ZDHHC20: variants seen among roughly 807,000 people sequenced by gnomAD.
The protein encoded by ZDHHC20 is palmitoyltransferase ZDHHC20.
A neutral mutation model predicts 57.8 loss-of-function variants in ZDHHC20; 43 were observed. The observed-to-expected ratio is 0.74, with a 90% CI of 0.58 to 0.96. The LOEUF (loss-of-function observed/expected upper bound fraction) is 0.96, where lower values mean the gene tolerates loss of function less well. Among genes scored for constraint, ZDHHC20 ranks in the 40% least tolerant of loss-of-function variants. The probability of loss-of-function intolerance (pLI) is 0.00; values close to 1 mark genes in which losing one functional copy is unlikely to be tolerated. For missense variants in ZDHHC20, 391 were observed against 441.1 expected, an observed-to-expected ratio of 0.89 and a Z score of 1.02; for synonymous variants, 157 against 153.0, an observed-to-expected ratio of 1.03 and a Z score of -0.19.
chr13:21,376,837 C>T lies in ZDHHC20; in HGVS notation c.*41-182G>A, dbSNP rs1420534998. 1.1e-5 allele frequency: 4 copies of T among 379,226 alleles called. No individual in the cohort carries two copies. In the East Asian group the frequency reaches 1.4e-4, roughly 13 times the overall value. 23.5% of individuals were successfully genotyped at this position (379,226 alleles called of 1,614,324 possible). A position where few individuals can be genotyped will look rare whatever the true frequency, so the allele number is the denominator to read the frequency against. On this transcript the variant is annotated intron_variant, in intron 12 of 12. Coordinates refer to ENST00000400590, the MANE Select transcript of ZDHHC20 (RefSeq NM_001330059.2). ...TGTAGCAGTAAATGAGTGGGTATTA[C>T]TGTCTTCCCCAGAAGCAATCAAAAG... is the stretch of plus-strand genomic sequence containing the variant.
In ZDHHC20 at chr13:21,396,916, T is replaced by C. The variant is rs150956494; in HGVS notation, c.594+3457A>G. On this transcript the variant is annotated intron_variant, in intron 7 of 12. Transcript: ENST00000400590. ...ATGACAGAAAAAGGATTAATATCTT[T>C]AGAAGTGTCTCACATATTCTGGTTA... is the stretch of plus-strand genomic sequence containing the variant. Among the ~76,000 whole-genome samples the C allele has an allele frequency of 2.7e-3, 417 of 152,304 alleles. 3 individuals are homozygous for C. The highest frequency in any genetic ancestry group is 4.8e-3 in the Non-Finnish European group (324 of 68,024).
chr13:21,382,365 G>A (rs1394080357), intron 10 of ZDHHC20, among the ~76,000 whole-genome samples: 1 of 152,178 alleles, frequency 6.6e-6, no homozygotes, highest in Non-Finnish European at 1.5e-5. Context: ...TACGTGGACA[G>A]AAGTATCTCT....
At chr13:21,403,184 C>T (rs1877950427) in intron 4 of ZDHHC20, among the ~76,000 whole-genome samples, 1 of 152,008 alleles carries the variant, frequency 6.6e-6, no homozygotes, top group Non-Finnish European at 1.5e-5. Context: ...TTTAGTAAGT[C>T]CCAGGTCCAG....
In ZDHHC20 at chr13:21,459,175, C is replaced by A. The variant is rs1159894977; in HGVS notation, c.-4G>T. The A allele has an allele frequency of 6.3e-7, 1 of 1,595,050 alleles. No individual in the cohort carries two copies. Among genetic ancestry groups the A allele is most frequent in the South Asian group, 1.1e-5 (1 of 88,714 alleles). On this transcript the variant is annotated 5_prime_UTR_variant, in exon 1 of 13. Transcript: ENST00000400590. ...GCCACAGCGTCCAGGGCGCCATGTT[C>A]CGCTGGCGGCTGCCGAGCCCCGCGT... is the stretch of plus-strand genomic sequence containing the variant.
intron 11 of ZDHHC20, among the ~76,000 whole-genome samples, chr13:21,380,565 G>C (rs1337442320): frequency 6.6e-6 from 1 of 151,648 alleles, no homozygotes; most frequent in Non-Finnish European, 1.5e-5. Context: ...GGGCTGAGGC[G>C]GGTGGATCAC....
intron 1 of ZDHHC20, among the ~76,000 whole-genome samples, chr13:21,438,451 T>G (rs987452501): frequency 6.6e-6 from 1 of 152,180 alleles, no homozygotes; most frequent in Non-Finnish European, 1.5e-5. Flanking sequence ...ACTGCAGATG[T>G]GGTGAAAACA....
At chr13:21,424,910 A>T (rs576446536) in intron 2 of ZDHHC20, among the ~76,000 whole-genome samples, 1 of 152,182 alleles carries the variant, frequency 6.6e-6, no homozygotes, top group Non-Finnish European at 1.5e-5. Flanking sequence ...GTTACTGACA[A>T]ATTAAATTTA....
chr13:21,400,503 T>TA lies in ZDHHC20; in HGVS notation c.474-11dup, dbSNP rs762553288. 2.5e-5 allele frequency: 38 copies of TA among 1,531,874 alleles called. No individual in the cohort carries two copies. Among genetic ancestry groups the TA allele is most frequent in the Non-Finnish European group, 3.3e-5 (38 of 1,142,026 alleles). The allele number at this position is 1,531,874 out of a possible 1,614,324, so 94.9% of individuals were successfully genotyped here. ...CACACAGTTATTCACCCTGGAAAAA[T>TA]AAAGAAAGCCACATTATAAAAGTAA... On this transcript the variant is annotated splice_polypyrimidine_tract_variant and intron_variant, in intron 6 of 12. Transcript: ENST00000400590.
intron 11 of ZDHHC20, among the ~76,000 whole-genome samples, chr13:21,380,066 C>A (rs903945099): frequency 6.6e-6 from 1 of 151,970 alleles, no homozygotes; most frequent in South Asian, 2.1e-4. Context: ...CCGCCTGCCT[C>A]GGCCTCCCAA....
At chr13:21,421,401 A>G (rs577628436) in intron 2 of ZDHHC20, among the ~76,000 whole-genome samples, 115 of 152,344 alleles carry the variant, frequency 7.5e-4, no homozygotes, top group African/African-American at 2.6e-3. Context: ...GAGATTTAAG[A>G]GGAGATTTGA....
chr13:21,382,773 C>A, intron 10 of ZDHHC20, 147 bp downstream of exon 10: 1 of 582,198 alleles, frequency 1.7e-6, no homozygotes, highest in Non-Finnish European at 2.9e-6. Context: ...TTTATTAAAC[C>A]TCAGTTAAAA....
chr13:21,397,368 A>G (rs1876954217), intron 7 of ZDHHC20, among the ~76,000 whole-genome samples: 1 of 152,094 alleles, frequency 6.6e-6, no homozygotes, highest in Non-Finnish European at 1.5e-5. Flanking sequence ...AAGGTCAAGA[A>G]TAACGATTAG....
chr13:21,448,284 T>C (rs1219823161), intron 1 of ZDHHC20, among the ~76,000 whole-genome samples: 2 of 74,270 alleles, frequency 2.7e-5, no homozygotes, highest in African/African-American at 4.4e-5. Flanking sequence ...GAGGAGCCCC[T>C]CTGCCCGGCC....
chr13:21,381,810 G>A, intron 10 of ZDHHC20: 1 of 560,190 alleles, frequency 1.8e-6, no homozygotes. Flanking sequence ...TCAGAGGCCA[G>A]TCTGAAATGT....
chr13:21,427,632 G>T (rs1298818845), intron 1 of ZDHHC20, among the ~76,000 whole-genome samples: 3 of 151,958 alleles, frequency 2.0e-5, no homozygotes, highest in Non-Finnish European at 4.4e-5. Context: ...TCAGGAATTC[G>T]AGACCAGCCT....
At chr13:21,411,834 T>TA (rs1268323358) in intron 4 of ZDHHC20, among the ~76,000 whole-genome samples, 1 of 152,214 alleles carries the variant, frequency 6.6e-6, no homozygotes, top group African/African-American at 2.4e-5. Context: ...CAAATACTGC[T>TA]AGATGCAGGA....
Position 21,391,774 on chromosome 13 carries a change from G to T in ZDHHC20, c.675C>A (p.Leu225=), listed in dbSNP as rs770533783. 1 of 1,613,048 alleles carries T rather than the reference G, an allele frequency of 6.2e-7. No individual in the cohort carries two copies. The highest frequency in any genetic ancestry group is 2.2e-5 in the East Asian group (1 of 44,854). ...FVSAMFFISV[L]SLFSYHCWLV... is the part of the protein sequence containing the mutation. ...GCCAGCAGTGGTAGCTGAAAAGTGA[G>T]AGGACGCTGATGAAGAACATTGCAG... The change falls in exon 8 of 13, where the codon CTC becomes CTA. Residue 225 remains leucine (L), a synonymous_variant. Transcript: ENST00000400590.
At chr13:21,428,247 G>C (rs971586577) in intron 1 of ZDHHC20, among the ~76,000 whole-genome samples, 1 of 152,074 alleles carries the variant, frequency 6.6e-6, no homozygotes, top group Non-Finnish European at 1.5e-5. Context: ...TTGAGACAGA[G>C]TTTTGTTCTG....
At chr13:21,434,847 A>G (rs1168871853) in intron 1 of ZDHHC20, among the ~76,000 whole-genome samples, 4 of 151,622 alleles carry the variant, frequency 2.6e-5, no homozygotes, top group African/African-American at 7.3e-5. Flanking sequence ...TCAGCCTTCT[A>G]TTGATGGGCA....
Sources: gnomAD v4.1 joint callset for allele counts (sites outside exome capture counted in the v4.1 genomes callset) on GRCh38, gnomAD v4.1.1 for gene constraint, MANE v1.5 for transcripts, NCBI Gene and HGNC (gene_info 2026-07-23, HGNC 2026-07-21) for gene names.